Variants in TSPEAR observed in about 807,000 individuals in gnomAD.
TSPEAR encodes thrombospondin type laminin G domain and EAR repeats.
A neutral mutation model predicts 71.6 loss-of-function variants in TSPEAR; 69 were observed. That is an observed-to-expected ratio of 0.96 (90% CI 0.79 to 1.18). The LOEUF (loss-of-function observed/expected upper bound fraction) is 1.18, where lower values mean the gene tolerates loss of function less well. Ranked by LOEUF, TSPEAR falls within the 50% of genes most tolerant of loss-of-function variation. The pLI, the probability that TSPEAR is intolerant of heterozygous loss-of-function variation, is 0.00. For synonymous variants in TSPEAR, 402 were observed against 387.2 expected (o/e 1.04, Z -0.45); for missense variants, 971 against 894.9 (o/e 1.09, Z -1.09).
At chr21:44,648,941 C>A (rs1285470850) in intron 1 of TSPEAR, among the ~76,000 whole-genome samples, 2 of 152,224 alleles carry the variant, frequency 1.3e-5, no homozygotes, top group African/African-American at 2.4e-5. Context: ...CCCTTGTGAA[C>A]GTGCGTGAAG....
chr21:44,522,433 G>A (rs922631647), intron 8 of TSPEAR, among the ~76,000 whole-genome samples: 10 of 152,112 alleles, frequency 6.6e-5, no homozygotes, highest in East Asian at 3.9e-4. Context: ...CGCTGCCCAC[G>A]GCTCTCCAGC....
chr21:44,647,007 C>G, intron 1 of TSPEAR: 2 of 1,613,892 alleles, frequency 1.2e-6, no homozygotes, highest in Non-Finnish European at 1.7e-6. Context: ...CCTCCTCCTC[C>G]TACCAGCAGG....
At chr21:44,698,202 A>C (rs9979767) in intron 1 of TSPEAR, among the ~76,000 whole-genome samples, 65,644 of 151,912 alleles carry the variant, frequency 0.43, 14,647 homozygotes, top group South Asian at 0.62. Context: ...GCCTCCTTGG[A>C]AGCTGCTGTG....
chr21:44,572,067 C>T (rs1466397131), intron 1 of TSPEAR, among the ~76,000 whole-genome samples: 3 of 152,234 alleles, frequency 2.0e-5, no homozygotes, highest in Admixed American at 6.5e-5. Flanking sequence ...GGGCCGCGGC[C>T]GTGTCACCTC....
chr21:44,576,371 C>A (rs984153049), intron 1 of TSPEAR, among the ~76,000 whole-genome samples: 5 of 143,154 alleles, frequency 3.5e-5, no homozygotes, highest in East Asian at 2.1e-4. Flanking sequence ...AGGGGGCAAA[C>A]CTCATGGGTG....
intron 1 of TSPEAR, among the ~76,000 whole-genome samples, chr21:44,581,077 G>C (rs465360): frequency 6.6e-6 from 1 of 152,032 alleles, no homozygotes; most frequent in South Asian, 2.1e-4. Flanking sequence ...CAGAGGGTAC[G>C]ATGAAGCTAA....
intron 2 of TSPEAR, among the ~76,000 whole-genome samples, chr21:44,544,332 G>A (rs782680436): frequency 1.3e-5 from 2 of 152,166 alleles, no homozygotes; most frequent in African/African-American, 4.8e-5. Context: ...AGGGGCTAGG[G>A]TGGGGATGTG....
chr21:44,555,841 A>C (rs2053519151), intron 2 of TSPEAR, among the ~76,000 whole-genome samples: 1 of 152,154 alleles, frequency 6.6e-6, no homozygotes, highest in Admixed American at 6.5e-5. Flanking sequence ...GGAGCTTGCA[A>C]AGGAAAATGA....
intron 1 of TSPEAR, among the ~76,000 whole-genome samples, chr21:44,598,551 C>T (rs148487152): frequency 1.9e-3 from 288 of 152,346 alleles, no homozygotes; most frequent in African/African-American, 6.7e-3. Context: ...ACTATCTCTT[C>T]CGTGGTCACT....
intron 1 of TSPEAR, among the ~76,000 whole-genome samples, chr21:44,598,943 G>A (rs936306324): frequency 6.6e-6 from 1 of 152,132 alleles, no homozygotes; most frequent in Admixed American, 6.5e-5. Context: ...TAGAATTCTA[G>A]GTTTGCAGTG....
At chr21:44,666,653 C>A (rs1985783465) in intron 1 of TSPEAR, 1 of 1,613,052 alleles carries the variant, frequency 6.2e-7, no homozygotes. Flanking sequence ...ACTGGCAGCT[C>A]ACGGGCACGC....
intron 1 of TSPEAR, among the ~76,000 whole-genome samples, chr21:44,589,851 T>G (rs1372519587): frequency 6.6e-6 from 1 of 152,196 alleles, no homozygotes; most frequent in Non-Finnish European, 1.5e-5. Flanking sequence ...GACACGCATG[T>G]GTGGGGAGCC....
At chr21:44,522,298 C>G (rs587756873) in intron 8 of TSPEAR, among the ~76,000 whole-genome samples, 186 bp from the exon 9 acceptor site, 2 of 152,228 alleles carry the variant, frequency 1.3e-5, no homozygotes, top group Admixed American at 1.3e-4. Context: ...CTGACTGCAC[C>G]TCTGGGCCAT....
intron 1 of TSPEAR, chr21:44,647,498 A>C: frequency 1.0e-6 from 1 of 995,650 alleles, no homozygotes; most frequent in South Asian, 1.7e-5. Context: ...TGAGCGCGTC[A>C]CACTTTCCTC....
At chr21:44,558,311 T>A in intron 2 of TSPEAR, 1 of 1,612,988 alleles carries the variant, frequency 6.2e-7, no homozygotes, top group Non-Finnish European at 8.5e-7. Context: ...GCTGGCAGCA[T>A]GAAGAGGAAG....
At chr21:44,522,595 G>A (rs1233659262) in intron 8 of TSPEAR, among the ~76,000 whole-genome samples, 2 of 152,252 alleles carry the variant, frequency 1.3e-5, no homozygotes, top group Non-Finnish European at 2.9e-5. Context: ...AGGTCCTGCA[G>A]GCGGAGAGAT....
At chr21:44,681,924 G>A in intron 1 of TSPEAR, 1 of 1,614,164 alleles carries the variant, frequency 6.2e-7, no homozygotes, top group Non-Finnish European at 8.5e-7. Flanking sequence ...GCAGGAGGGA[G>A]CCGCATACAC....
At chr21:44,692,619 A>C (rs1194902170) in intron 1 of TSPEAR, among the ~76,000 whole-genome samples, 4 of 152,176 alleles carry the variant, frequency 2.6e-5, no homozygotes, top group Admixed American at 2.6e-4. Flanking sequence ...AATGGCATCC[A>C]AAAGAATAAA....
At chr21:44,636,670 A>T (rs1208527277) in intron 1 of TSPEAR, among the ~76,000 whole-genome samples, 1 of 151,656 alleles carries the variant, frequency 6.6e-6, no homozygotes, top group African/African-American at 2.4e-5. Flanking sequence ...CTCACTCCAC[A>T]CCTGCCTCTC....
Sources: allele counts gnomAD v4.1 joint callset (sites outside exome capture counted in the v4.1 genomes callset), GRCh38; gene constraint gnomAD v4.1.1; transcripts MANE v1.5; gene names NCBI Gene and HGNC (gene_info 2026-07-23, HGNC 2026-07-21).